The following CNTN4 variants were observed in gnomAD, a reference collection of about 807,000 sequenced individuals.
The protein encoded by CNTN4 is contactin 4, also known as contactin-4.
Under a neutral mutation model 122.5 loss-of-function variants are expected in CNTN4, and 77 were observed. That is an observed-to-expected ratio of 0.63 (90% CI 0.52 to 0.76). CNTN4 has a LOEUF of 0.76. Ranked by LOEUF, CNTN4 falls within the 30% of genes least tolerant of loss-of-function variation. The probability of loss-of-function intolerance (pLI) is 0.00; values close to 1 mark genes in which losing one functional copy is unlikely to be tolerated. For synonymous variants in CNTN4, 512 were observed against 447.0 expected (o/e 1.15, Z -1.83); for missense variants, 1,256 against 1,259.1 (o/e 1.00, Z 0.04).
At chr3:2,379,607 G>C (rs1395202579) in intron 3 of CNTN4, among the ~76,000 whole-genome samples, 1 of 152,104 alleles carries the variant, frequency 6.6e-6, no homozygotes, top group Non-Finnish European at 1.5e-5. Context: ...AGGGATAGGA[G>C]ATATCATTTG....
At chr3:2,617,589 T>A (rs1468892645) in intron 4 of CNTN4, among the ~76,000 whole-genome samples, 1 of 151,908 alleles carries the variant, frequency 6.6e-6, no homozygotes, top group Non-Finnish European at 1.5e-5. Flanking sequence ...ACCAGCTAAT[T>A]TTTTTGTACT....
chr3:2,576,855 G>T (rs1196677741), intron 4 of CNTN4, among the ~76,000 whole-genome samples: 1 of 152,032 alleles, frequency 6.6e-6, no homozygotes, highest in Admixed American at 6.6e-5. Context: ...GTCACGCCTC[G>T]CCCATTTCTG....
At chr3:2,124,467 CACA>C (rs2034006122) in intron 2 of CNTN4, among the ~76,000 whole-genome samples, 1 of 148,554 alleles carries the variant, frequency 6.7e-6, no homozygotes, top group African/African-American at 2.5e-5. Flanking sequence ...CACACACACA[CACA>C]CACCCCCTTA....
chr3:3,033,221 A>T (rs918144171), intron 16 of CNTN4, among the ~76,000 whole-genome samples: 2 of 152,190 alleles, frequency 1.3e-5, no homozygotes, highest in African/African-American at 4.8e-5. Context: ...ATCTGGTTAA[A>T]AGGGGTCCCA....
intron 2 of CNTN4, among the ~76,000 whole-genome samples, chr3:2,235,891 A>G (rs1036507994): frequency 2.6e-5 from 4 of 152,296 alleles, no homozygotes; most frequent in South Asian, 4.1e-4. Flanking sequence ...ACGAGGCATT[A>G]TCTTGCTTCA....
At chr3:2,483,568 A>G (rs929518700) in intron 3 of CNTN4, among the ~76,000 whole-genome samples, 4 of 152,174 alleles carry the variant, frequency 2.6e-5, no homozygotes, top group Non-Finnish European at 4.4e-5. Flanking sequence ...TTGTAATCCC[A>G]TAATTCCCAT....
chr3:2,156,308 T>C (rs1346637528), intron 2 of CNTN4, among the ~76,000 whole-genome samples: 1 of 152,202 alleles, frequency 6.6e-6, no homozygotes, highest in Non-Finnish European at 1.5e-5. Context: ...GCGTCTTCGA[T>C]GAGCTTAGCA....
chr3:2,627,319 C>T (rs1188061442), intron 4 of CNTN4, among the ~76,000 whole-genome samples: 1 of 152,124 alleles, frequency 6.6e-6, no homozygotes, highest in African/African-American at 2.4e-5. Flanking sequence ...TGGATCCTTC[C>T]AGTCATTCTT....
At chr3:2,629,192 G>A (rs1160268894) in intron 4 of CNTN4, among the ~76,000 whole-genome samples, 1 of 152,120 alleles carries the variant, frequency 6.6e-6, no homozygotes, top group Admixed American at 6.5e-5. Flanking sequence ...AGGAACATCA[G>A]GGAGACATAC....
intron 3 of CNTN4, among the ~76,000 whole-genome samples, chr3:2,429,480 C>T (rs1047943207): frequency 6.6e-6 from 1 of 152,216 alleles, no homozygotes; most frequent in East Asian, 1.9e-4. Flanking sequence ...TATGAGGTGT[C>T]AGTCGGCCCC....
chr3:2,949,562 T>G (rs1376869166), intron 13 of CNTN4, among the ~76,000 whole-genome samples: 1 of 152,128 alleles, frequency 6.6e-6, no homozygotes, highest in African/African-American at 2.4e-5. Context: ...GACCCTCTCC[T>G]TCTTTCAAGA....
intron 3 of CNTN4, among the ~76,000 whole-genome samples, chr3:2,386,750 C>T (rs1010404092): frequency 4.6e-5 from 7 of 152,116 alleles, no homozygotes; most frequent in Non-Finnish European, 8.8e-5. Context: ...TTAAGTATTA[C>T]ATAAGTCTTT....
intron 6 of CNTN4, among the ~76,000 whole-genome samples, chr3:2,781,441 G>C (rs1040594599): frequency 2.9e-4 from 40 of 138,130 alleles, no homozygotes; most frequent in African/African-American, 1.1e-3. Context: ...TGTCAACGAA[G>C]AGTCAAACTC....
chr3:2,819,010 G>T (rs2092804176), intron 6 of CNTN4, among the ~76,000 whole-genome samples: 1 of 152,170 alleles, frequency 6.6e-6, no homozygotes, highest in Non-Finnish European at 1.5e-5. Context: ...CAGAAAACAA[G>T]AGTTTGCATT....
intron 3 of CNTN4, among the ~76,000 whole-genome samples, chr3:2,494,978 G>C (rs1341109367): frequency 6.6e-6 from 1 of 152,130 alleles, no homozygotes. Context: ...AACTATACTT[G>C]TATATACATT....
At position 2,454,740 on chromosome 3, in the gene CNTN4, C is replaced by T. The variant is rs1359287173; in HGVS notation, c.-89+115507C>T. ...GTTTCCTACTCCATTAGTGATCTTA[C>T]CTCTCCTCTAGGATACCTTTCATAT... On this transcript the variant is annotated intron_variant, in intron 3 of 24. Coordinates refer to ENST00000418658, the MANE Select transcript of CNTN4 (RefSeq NM_175607.3). Among the ~76,000 whole-genome samples, 4 of 149,992 alleles carry T rather than the reference C, an allele frequency of 2.7e-5. No individual in the cohort carries two copies. The Admixed American group carries it at 2.7e-4, about 10-fold the overall frequency.
intron 6 of CNTN4, among the ~76,000 whole-genome samples, chr3:2,748,226 G>A (rs974990920): frequency 6.6e-6 from 1 of 152,152 alleles, no homozygotes; most frequent in Non-Finnish European, 1.5e-5. Flanking sequence ...ACCAGCCCCA[G>A]ATTGCAACTT....
chr3:2,807,338 G>A (rs561407409), intron 6 of CNTN4, among the ~76,000 whole-genome samples: 99 of 152,238 alleles, frequency 6.5e-4, no homozygotes, highest in African/African-American at 2.1e-3. Flanking sequence ...CGTAGCTTGC[G>A]TGTATATTTG....
chr3:2,542,634 C>T lies in CNTN4; in HGVS notation c.-88-28782C>T, dbSNP rs552427314. Among the ~76,000 whole-genome samples, 29 of 152,206 alleles carry T rather than the reference C, an allele frequency of 1.9e-4. No individual in the cohort carries two copies. In the South Asian group the frequency reaches 5.8e-3, roughly 30 times the overall value. Reference sequence around the variant, plus strand: ...CAGGAGATTAAGGTACAAATATTTCCAGATTCGTTTCAGGGTGGCAAGATC... The same window carrying T: ...CAGGAGATTAAGGTACAAATATTTCTAGATTCGTTTCAGGGTGGCAAGATC... On this transcript the variant is annotated intron_variant, in intron 3 of 24. Coordinates refer to ENST00000418658, the MANE Select transcript of CNTN4 (RefSeq NM_175607.3).
Sources: gnomAD v4.1 joint callset for allele counts (sites outside exome capture counted in the v4.1 genomes callset) on GRCh38, gnomAD v4.1.1 for gene constraint, MANE v1.5 for transcripts, NCBI Gene and HGNC (gene_info 2026-07-23, HGNC 2026-07-21) for gene names.